The following SETBP1 variants were observed in gnomAD, a reference collection of about 807,000 sequenced individuals.
SETBP1 encodes SET binding protein 1.
SETBP1 carries 9 observed loss-of-function variants against 101.0 expected under a neutral mutation model. That is an observed-to-expected ratio of 0.09 (90% CI 0.05 to 0.16). The LOEUF (loss-of-function observed/expected upper bound fraction) is 0.16, where lower values mean the gene tolerates loss of function less well. SETBP1 is among the 10% of genes least tolerant of loss of function. The pLI is 1.00. For synonymous variants in SETBP1, 818 were observed against 788.5 expected, an observed-to-expected ratio of 1.04 and a Z score of -0.63; for missense variants, 1,858 against 2,033.8, an observed-to-expected ratio of 0.91 and a Z score of 1.66.
intron 2 of SETBP1, among the ~76,000 whole-genome samples, chr18:44,755,468 G>A (rs899926050): frequency 1.3e-5 from 2 of 151,956 alleles, no homozygotes; most frequent in African/African-American, 2.4e-5. Flanking sequence ...TTCTCTCTTC[G>A]CAGTGGGACA....
intron 2 of SETBP1, among the ~76,000 whole-genome samples, chr18:44,760,083 C>T (rs1197565602): frequency 6.6e-6 from 1 of 152,182 alleles, no homozygotes; most frequent in African/African-American, 2.4e-5. Context: ...ATAGCTGTAA[C>T]AGTACTAGGG....
intron 1 of SETBP1, among the ~76,000 whole-genome samples, chr18:44,689,664 AG>A (rs1317390946): frequency 6.6e-6 from 1 of 152,166 alleles, no homozygotes; most frequent in African/African-American, 2.4e-5. Flanking sequence ...AGTGTCTCCA[AG>A]GGTTAGTCAG....
chr18:45,063,860 G>C lies in SETBP1; in HGVS notation c.*162G>C, dbSNP rs752925967. On this transcript the variant is annotated 3_prime_UTR_variant, in exon 6 of 6. Coordinates refer to ENST00000649279, the MANE Select transcript of SETBP1 (RefSeq NM_015559.3). Reference sequence around the variant, plus strand: ...CCAGACGACGGGGCTGAGCCATCAGGAGCTCTTGGGAAAGCAAAGCAGGGA... The same window carrying C: ...CCAGACGACGGGGCTGAGCCATCAGCAGCTCTTGGGAAAGCAAAGCAGGGA... 5 of 719,356 alleles carry C rather than the reference G, an allele frequency of 7.0e-6. No homozygotes were observed. The highest frequency in any genetic ancestry group is 1.1e-5 in the Non-Finnish European group (5 of 445,280). The allele number at this position is 719,356 out of a possible 1,614,324, so 44.6% of individuals were successfully genotyped here. A position where few individuals can be genotyped will look rare whatever the true frequency, so the allele number is the denominator to read the frequency against.
Position 45,024,882 on chromosome 18 carries a change from C to T in SETBP1, c.4001-13603C>T, listed in dbSNP as rs117240623. ...CATTAGTTTCAGTAGGACTGACTCT[C>T]TCCAATCCATCAGGGTTGAGCTACA... is the stretch of plus-strand genomic sequence containing the variant. On this transcript the variant is annotated intron_variant, in intron 4 of 5. Coordinates refer to ENST00000649279, the MANE Select transcript of SETBP1 (RefSeq NM_015559.3). Among the ~76,000 whole-genome samples the T allele has an allele frequency of 4.6e-3, 696 of 152,330 alleles. 4 individuals carry two copies. Among genetic ancestry groups the T allele is most frequent in the Non-Finnish European group, 7.3e-3 (495 of 68,034 alleles).
chr18:45,014,684 G>A (rs1448185375), intron 4 of SETBP1, among the ~76,000 whole-genome samples: 2 of 152,004 alleles, frequency 1.3e-5, no homozygotes, highest in Non-Finnish European at 2.9e-5. Flanking sequence ...TTGTAGCCAG[G>A]TTGCATGCAT....
intron 5 of SETBP1, among the ~76,000 whole-genome samples, chr18:45,050,347 T>C (rs552891242): frequency 2.0e-5 from 3 of 152,304 alleles, no homozygotes; most frequent in South Asian, 4.1e-4. Flanking sequence ...GTAAAAGTCC[T>C]TTTTGTCCTC....
At chr18:45,053,502 A>C (rs1352608894) in intron 5 of SETBP1, among the ~76,000 whole-genome samples, 2 of 152,222 alleles carry the variant, frequency 1.3e-5, no homozygotes, top group African/African-American at 4.8e-5. Context: ...CTGAGGGGTG[A>C]TAAGCTAAGA....
intron 3 of SETBP1, among the ~76,000 whole-genome samples, chr18:44,933,381 T>A (rs913236356): frequency 6.6e-6 from 1 of 152,166 alleles, no homozygotes; most frequent in African/African-American, 2.4e-5. Flanking sequence ...TGTCTCCCAG[T>A]TAGGCTACTC....
chr18:44,919,644 G>A (rs761062404), intron 3 of SETBP1, among the ~76,000 whole-genome samples: 47 of 151,804 alleles, frequency 3.1e-4, no homozygotes, highest in African/African-American at 5.3e-4. Context: ...CACCATGCCC[G>A]GCTAGATCCC....
chr18:44,966,813 C>T (rs184935775), intron 4 of SETBP1, among the ~76,000 whole-genome samples: 2 of 152,274 alleles, frequency 1.3e-5, no homozygotes, highest in East Asian at 1.9e-4. Flanking sequence ...CCCACTTGCT[C>T]GTAGTGCAAC....
intron 4 of SETBP1, among the ~76,000 whole-genome samples, chr18:44,965,475 G>C (rs2071702495): frequency 6.6e-6 from 1 of 152,034 alleles, no homozygotes; most frequent in Non-Finnish European, 1.5e-5. Context: ...GTATATCTAT[G>C]GAAATTCCTA....
At chr18:44,995,305 C>T (rs2072469798) in intron 4 of SETBP1, among the ~76,000 whole-genome samples, 1 of 151,884 alleles carries the variant, frequency 6.6e-6, no homozygotes, top group African/African-American at 2.4e-5. Context: ...CCATGCCCGA[C>T]TAATTTTTTG....
In SETBP1 at chr18:44,892,212, A is replaced by C. The variant is rs187440660; in HGVS notation, c.540+22929A>C. 2.0e-5 allele frequency among the ~76,000 whole-genome samples: 3 copies of C among 152,328 alleles called. 1 individual carries two copies. The highest frequency in any genetic ancestry group is 2.0e-4 in the Admixed American group (3 of 15,300). On this transcript the variant is annotated intron_variant, in intron 3 of 5. Transcript: ENST00000649279. ...GCTGAAAGAGAAGTAAGCAAAACAA[A>C]AATAAAATTCCACTGGCTCTCCACT...
intron 4 of SETBP1, among the ~76,000 whole-genome samples, chr18:44,977,523 T>C (rs560820196): frequency 6.6e-6 from 1 of 152,288 alleles, no homozygotes; most frequent in Non-Finnish European, 1.5e-5. Flanking sequence ...TTCCAGGCAC[T>C]AGACTTGGAA....
intron 5 of SETBP1, among the ~76,000 whole-genome samples, chr18:45,048,844 C>A (rs367935485): frequency 2.0e-5 from 3 of 150,498 alleles, no homozygotes; most frequent in African/African-American, 7.3e-5. Flanking sequence ...CGGTGGCGGG[C>A]GCCTGTAGTC....
intron 4 of SETBP1, among the ~76,000 whole-genome samples, chr18:45,010,886 C>G (rs1000268142): frequency 6.6e-6 from 1 of 152,088 alleles, no homozygotes; most frequent in Non-Finnish European, 1.5e-5. Flanking sequence ...ATAGCTGGTG[C>G]GGACTTATTC....
rs1281196995 is a variant in SETBP1, at chr18:44,960,337, A to G, written c.4000+6997A>G. On this transcript the variant is annotated intron_variant, in intron 4 of 5. Coordinates refer to ENST00000649279, the MANE Select transcript of SETBP1 (RefSeq NM_015559.3). ...GTGCTTAATCAAGCGAGCAGTGGCA[A>G]GCCACTTTTTATTTTATTGTGTTCC... Among the ~76,000 whole-genome samples, 5 of 152,088 alleles carry G rather than the reference A, an allele frequency of 3.3e-5. 1 individual carries two copies. The East Asian group carries it at 7.7e-4, about 23-fold the overall frequency.
In SETBP1 at chr18:44,795,783, A is replaced by G. The variant is rs375724753; in HGVS notation, c.487-73447A>G. On this transcript the variant is annotated intron_variant, in intron 2 of 5. Coordinates refer to ENST00000649279, the MANE Select transcript of SETBP1 (RefSeq NM_015559.3). ...CACATGTGGCCTTGCCTTGTTAAAT[A>G]GAACTCAGTCAACATAAGCTCTTCT... Among the ~76,000 whole-genome samples the G allele has an allele frequency of 5.9e-5, 9 of 152,238 alleles. No individual in the cohort carries two copies. In the South Asian group the frequency reaches 8.3e-4, roughly 14 times the overall value.
At chr18:44,732,019 C>T (rs1362775372) in intron 2 of SETBP1, among the ~76,000 whole-genome samples, 2 of 152,026 alleles carry the variant, frequency 1.3e-5, no homozygotes, top group African/African-American at 2.4e-5. Context: ...TATGAAATAC[C>T]CAGTGGCTGG....
Sources: allele counts gnomAD v4.1 joint callset (sites outside exome capture counted in the v4.1 genomes callset), GRCh38; gene constraint gnomAD v4.1.1; transcripts MANE v1.5; gene names NCBI Gene and HGNC (gene_info 2026-07-23, HGNC 2026-07-21).